The following CFAP299 variants were observed in gnomAD, a reference collection of about 807,000 sequenced individuals.
The protein encoded by CFAP299 is cilia- and flagella-associated protein 299.
A neutral mutation model predicts 27.0 loss-of-function variants in CFAP299; 21 were observed. The ratio of observed to expected loss-of-function variants is 0.78; its 90% confidence interval spans 0.55 to 1.12. CFAP299 has a LOEUF of 1.12. Ranked by LOEUF, CFAP299 falls within the 50% of genes most tolerant of loss-of-function variation. The pLI, the probability that CFAP299 is intolerant of heterozygous loss-of-function variation, is 0.00. For missense variants in CFAP299, 310 were observed against 276.6 expected, an observed-to-expected ratio of 1.12 and a Z score of -0.86; for synonymous variants, 104 against 98.1, an observed-to-expected ratio of 1.06 and a Z score of -0.36.
intron 3 of CFAP299, among the ~76,000 whole-genome samples, chr4:80,784,092 A>G (rs1727097475): frequency 6.6e-6 from 1 of 152,192 alleles, no homozygotes; most frequent in Non-Finnish European, 1.5e-5. Flanking sequence ...AGGCTAAATA[A>G]TATTCCATTT....
In CFAP299 at chr4:80,335,814, C is replaced by G; in HGVS notation, c.46C>G (p.Gln16Glu). ...GLKALDNIVT[Q>E]FNAYEDFLDS... The stretch of plus-strand genomic sequence containing the variant: ...GAAGGCCTTGGACAATATTGTCACT[C>G]AATTCAACGCCTATGAAGATTTCCT... Residue 16 changes from glutamine to glutamate, a missense_variant, in exon 1 of 6, where the codon CAA becomes GAA. Gln to Glu is a conservative substitution (Grantham distance 29). Transcript: ENST00000358105. 1 of 1,613,866 alleles carries G rather than the reference C, an allele frequency of 6.2e-7. No individual in the cohort carries two copies. The highest frequency in any genetic ancestry group is 1.1e-5 in the South Asian group (1 of 91,078).
intron 2 of CFAP299, among the ~76,000 whole-genome samples, chr4:80,462,876 T>C (rs761389882): frequency 1.3e-5 from 2 of 152,142 alleles, no homozygotes; most frequent in African/African-American, 2.4e-5. Context: ...ATAGGAAATT[T>C]TAGGGGATTT....
intron 2 of CFAP299, among the ~76,000 whole-genome samples, chr4:80,547,775 A>C (rs1472153299): frequency 6.6e-6 from 1 of 152,212 alleles, no homozygotes; most frequent in Admixed American, 6.5e-5. Flanking sequence ...ATACATGAAA[A>C]AATGTTTGTC....
At chr4:80,433,112 T>C (rs1177836721) in intron 2 of CFAP299, among the ~76,000 whole-genome samples, 1 of 152,162 alleles carries the variant, frequency 6.6e-6, no homozygotes, top group Non-Finnish European at 1.5e-5. Context: ...CTGAACTCAT[T>C]GTCCTTAATT....
chr4:80,901,018 G>C (rs1420633429), intron 4 of CFAP299, among the ~76,000 whole-genome samples: 1 of 151,970 alleles, frequency 6.6e-6, no homozygotes, highest in Non-Finnish European at 1.5e-5. Context: ...AAAAGGGTTT[G>C]CAATAAAAAA....
intron 4 of CFAP299, among the ~76,000 whole-genome samples, chr4:80,896,054 G>A (rs1022713250): frequency 1.3e-5 from 2 of 152,064 alleles, no homozygotes; most frequent in East Asian, 1.9e-4. Context: ...ATAAAAATCA[G>A]TGGAGAGACA....
At chr4:80,812,493 C>T (rs1238372938) in intron 3 of CFAP299, among the ~76,000 whole-genome samples, 1 of 152,108 alleles carries the variant, frequency 6.6e-6, no homozygotes, top group Non-Finnish European at 1.5e-5. Flanking sequence ...AAGCACTAAA[C>T]TGTATTATGA....
rs138632473 is a variant in CFAP299 at position 80,380,603 on chromosome 4, A to G, written c.242+17719A>G. Among the ~76,000 whole-genome samples, 1,200 of 151,848 alleles carry G rather than the reference A, an allele frequency of 7.9e-3. 17 individuals carry two copies. Among genetic ancestry groups the G allele is most frequent in the African/African-American group, 0.028 (1,140 of 41,418 alleles). On this transcript the variant is annotated intron_variant, in intron 2 of 5. Coordinates refer to ENST00000358105, the MANE Select transcript of CFAP299 (RefSeq NM_152770.3). ...CCACCACACCTGGCTAATTTTTTGT[A>G]TTTTTAATAGAGACAAGGTTTTGCC...
chr4:80,405,912 T>C (rs1726392801), intron 2 of CFAP299, among the ~76,000 whole-genome samples: 1 of 152,200 alleles, frequency 6.6e-6, no homozygotes, highest in Non-Finnish European at 1.5e-5. Flanking sequence ...AGTTATTAGA[T>C]ACAGCCATGA....
rs547008055 is a variant in CFAP299 at position 80,911,958 on chromosome 4, A to T, written c.477-32852A>T. ...GAAATTGCCTCAAAATAAAAAAAAA[A>T]ATATATGTACTGTATTCTACTTTTA... On this transcript the variant is annotated intron_variant, in intron 4 of 5. Coordinates refer to ENST00000358105, the MANE Select transcript of CFAP299 (RefSeq NM_152770.3). 5.7e-3 allele frequency among the ~76,000 whole-genome samples: 868 copies of T among 152,060 alleles called. 5 individuals are homozygous for T. Among genetic ancestry groups the T allele is most frequent in the African/African-American group, 0.015 (625 of 41,528 alleles).
At chr4:80,377,549 T>C (rs1218541058) in intron 2 of CFAP299, among the ~76,000 whole-genome samples, 1 of 152,130 alleles carries the variant, frequency 6.6e-6, no homozygotes, top group Non-Finnish European at 1.5e-5. Context: ...CTCAAACTTT[T>C]TTTTTTTAAT....
At chr4:80,699,028 A>G (rs1399649659) in intron 3 of CFAP299, among the ~76,000 whole-genome samples, 1 of 152,174 alleles carries the variant, frequency 6.6e-6, no homozygotes, top group African/African-American at 2.4e-5. Context: ...AAAATTACCA[A>G]GTGTTTAATA....
intron 4 of CFAP299, among the ~76,000 whole-genome samples, chr4:80,886,217 T>C (rs2110181185): frequency 6.6e-6 from 1 of 152,060 alleles, no homozygotes; most frequent in African/African-American, 2.4e-5. Context: ...ATTGCTAAGG[T>C]TTTTACTCCA....
At chr4:80,788,342 C>A (rs576172973) in intron 3 of CFAP299, among the ~76,000 whole-genome samples, 1 of 151,872 alleles carries the variant, frequency 6.6e-6, no homozygotes, top group Non-Finnish European at 1.5e-5. Flanking sequence ...CAGAAGTAGA[C>A]CTATAGCCTC....
chr4:80,324,753 A>G, the CFAP299 span, among the ~76,000 whole-genome samples: 1 of 152,238 alleles, frequency 6.6e-6, no homozygotes, highest in African/African-American at 2.4e-5. Flanking sequence ...TGGCAGTTAT[A>G]TATTGGAATA....
chr4:80,561,779 AAG>A (rs1170693397), intron 2 of CFAP299, among the ~76,000 whole-genome samples: 2 of 152,134 alleles, frequency 1.3e-5, no homozygotes, highest in Non-Finnish European at 2.9e-5. Context: ...CAAAAGAAAA[AAG>A]AATGAAAAAC....
chr4:80,586,147 T>G lies in CFAP299; in HGVS notation c.333+2964T>G, dbSNP rs551317157. On this transcript the variant is annotated intron_variant, in intron 3 of 5. Transcript: ENST00000358105. ...CTGTATTTTCTAAGCCACAATTTCC[T>G]TCTTTGTAAGGTGGGAATTAAAAGA... Among the ~76,000 whole-genome samples, 9 of 152,262 alleles carry G rather than the reference T, an allele frequency of 5.9e-5. No homozygotes were observed. In the South Asian group the frequency reaches 1.9e-3, roughly 32 times the overall value.
At chr4:80,711,746 T>C (rs1160116948) in intron 3 of CFAP299, among the ~76,000 whole-genome samples, 3 of 152,178 alleles carry the variant, frequency 2.0e-5, no homozygotes, top group African/African-American at 7.2e-5. Flanking sequence ...ATCTGGGAGA[T>C]GTTCTGATCC....
intron 3 of CFAP299, among the ~76,000 whole-genome samples, chr4:80,691,814 T>A (rs930652580): frequency 3.2e-4 from 49 of 152,262 alleles, no homozygotes; most frequent in African/African-American, 1.2e-3. Context: ...CAGCCCAAAA[T>A]CTCTTTAAGC....
Sources: allele counts gnomAD v4.1 joint callset (sites outside exome capture counted in the v4.1 genomes callset), GRCh38; gene constraint gnomAD v4.1.1; transcripts MANE v1.5; gene names NCBI Gene and HGNC (gene_info 2026-07-23, HGNC 2026-07-21).